The following LARP1B variants were observed in gnomAD, a reference collection of about 807,000 sequenced individuals.
LARP1B encodes the protein la-related protein 1B.
A neutral mutation model predicts 114.2 loss-of-function variants in LARP1B; 76 were observed. The ratio of observed to expected loss-of-function variants is 0.67; its 90% confidence interval spans 0.55 to 0.81. The LOEUF (loss-of-function observed/expected upper bound fraction) is 0.81. Among genes scored for constraint, LARP1B ranks in the 30% least tolerant of loss-of-function variants. The pLI is 0.00. For missense variants in LARP1B, 1,014 were observed against 1,075.8 expected, an observed-to-expected ratio of 0.94 and a Z score of 0.80; for synonymous variants, 345 against 348.0, an observed-to-expected ratio of 0.99 and a Z score of 0.10.
chr4:128,099,710 A>G (rs1215596374), intron 8 of LARP1B, among the ~76,000 whole-genome samples: 1 of 151,394 alleles, frequency 6.6e-6, no homozygotes, highest in African/African-American at 2.4e-5. Context: ...ATAGGGATAT[A>G]TATATACACA....
intron 5 of LARP1B, among the ~76,000 whole-genome samples, chr4:128,088,982 A>G (rs1774789842): frequency 6.6e-6 from 1 of 152,090 alleles, no homozygotes; most frequent in African/African-American, 2.4e-5. Flanking sequence ...AAATGTTTGA[A>G]AAAGACTGTT....
At chr4:128,098,763 ATATATTT>A (rs1354272115) in intron 8 of LARP1B, among the ~76,000 whole-genome samples, 1 of 35,504 alleles carries the variant, frequency 2.8e-5, no homozygotes, top group African/African-American at 1.1e-4. Context: ...ATATATATAT[ATATATTT>A]TTTTTTTTTT....
chr4:128,122,554 A>G lies in LARP1B; in HGVS notation c.1524+366A>G, dbSNP rs531266040. On this transcript the variant is annotated intron_variant, in intron 11 of 19. Transcript: ENST00000326639. ...GTTACTGTGGACAGGCTTAATTTAT[A>G]TGCTCATTGCTTACCTGGCTCTCAC... 9.8e-5 allele frequency: 150 copies of G among 1,523,352 alleles called. No individual in the cohort carries two copies. In the South Asian group the frequency reaches 1.7e-3, roughly 17 times the overall value. The allele number at this position is 1,523,352 out of a possible 1,614,324, so 94.4% of individuals were successfully genotyped here.
At chr4:128,117,510 A>G (rs1460568890) in intron 10 of LARP1B, among the ~76,000 whole-genome samples, 2 of 151,370 alleles carry the variant, frequency 1.3e-5, no homozygotes, top group East Asian at 3.9e-4. Context: ...CTCAGCCTCC[A>G]GAGTAGATGG....
intron 1 of LARP1B, among the ~76,000 whole-genome samples, chr4:128,068,420 A>G (rs945959888): frequency 4.0e-5 from 6 of 151,752 alleles, no homozygotes; most frequent in Non-Finnish European, 5.9e-5. Flanking sequence ...TCCTGGGCCC[A>G]AGGGATCCTC....
At chr4:128,078,134 G>C (rs908518356) in intron 4 of LARP1B, among the ~76,000 whole-genome samples, 172 bp downstream of exon 4, 1 of 152,132 alleles carries the variant, frequency 6.6e-6, no homozygotes, top group African/African-American at 2.4e-5. Context: ...TGAACTATTA[G>C]ACTTTCCTTT....
intron 17 of LARP1B, among the ~76,000 whole-genome samples, 173 bp from the exon 18 acceptor site, chr4:128,206,255 G>A (rs1421107201): frequency 1.3e-5 from 2 of 152,182 alleles, no homozygotes; most frequent in Non-Finnish European, 2.9e-5. Context: ...TCGCACCATT[G>A]CACTCCAGCC....
At chr4:128,117,470 TC>T (rs901255254) in intron 10 of LARP1B, among the ~76,000 whole-genome samples, 2 of 151,892 alleles carry the variant, frequency 1.3e-5, no homozygotes, top group Admixed American at 1.3e-4. Flanking sequence ...TGTACAACTT[TC>T]CCCTCCCGGG....
chr4:128,077,160 AT>A (rs1352160530), intron 3 of LARP1B, among the ~76,000 whole-genome samples: 1 of 152,130 alleles, frequency 6.6e-6, no homozygotes, highest in Non-Finnish European at 1.5e-5. Context: ...TAGATTTGCC[AT>A]CAGTGTATCT....
chr4:128,178,049 TA>T (rs1747000677), intron 13 of LARP1B, among the ~76,000 whole-genome samples: 1 of 148,954 alleles, frequency 6.7e-6, no homozygotes, highest in Non-Finnish European at 1.5e-5. Flanking sequence ...TATATATATA[TA>T]TATATATATA....
chr4:128,110,841 C>A (rs186299859), intron 9 of LARP1B, among the ~76,000 whole-genome samples: 103 of 151,670 alleles, frequency 6.8e-4, no homozygotes, highest in African/African-American at 2.2e-3. Flanking sequence ...TATGTGTTGG[C>A]GAATATATTG....
intron 1 of LARP1B, chr4:128,061,813 C>A (rs2149232033): frequency 1.0e-6 from 1 of 984,752 alleles, no homozygotes; most frequent in Admixed American, 6.2e-5. Flanking sequence ...CGCCCCCGCC[C>A]GAATGTGAGG....
At position 128,206,022 on chromosome 4, in the gene LARP1B, GACTC is replaced by G. The variant is rs571421355; in HGVS notation, c.2310-403_2310-400del. ...AATCTGCATACCGGCCGGGCGCAGT[GACTC>G]ACACCTGTAATCCCAGCACTTTGGG... On this transcript the variant is annotated intron_variant, in intron 17 of 19. Transcript: ENST00000326639. Among the ~76,000 whole-genome samples, 7 of 152,306 alleles carry G rather than the reference GACTC, an allele frequency of 4.6e-5. 1 individual carries two copies. In the South Asian group the frequency reaches 1.5e-3, roughly 32 times the overall value.
chr4:128,124,872 G>A (rs564587503), intron 11 of LARP1B, among the ~76,000 whole-genome samples: 3 of 152,254 alleles, frequency 2.0e-5, no homozygotes, highest in Admixed American at 1.3e-4. Flanking sequence ...AAATAATCAG[G>A]TGTGTCAGCA....
chr4:128,166,636 A>G (rs1157787199), intron 12 of LARP1B, among the ~76,000 whole-genome samples: 1 of 151,838 alleles, frequency 6.6e-6, no homozygotes, highest in African/African-American at 2.4e-5. Flanking sequence ...TAATGTTATT[A>G]GCTATGGCCC....
intron 7 of LARP1B, 58 bp downstream of exon 7, chr4:128,091,570 T>G: frequency 7.4e-7 from 1 of 1,354,830 alleles, no homozygotes; most frequent in South Asian, 1.5e-5. Context: ...AATATGAACT[T>G]TAATGTCATT....
intron 1 of LARP1B, among the ~76,000 whole-genome samples, chr4:128,074,246 T>TTAA (rs1766937100): frequency 6.6e-6 from 1 of 152,180 alleles, no homozygotes; most frequent in South Asian, 2.1e-4. Flanking sequence ...GGCAACACTG[T>TTAA]TAATATTTCT....
intron 5 of LARP1B, 141 bp downstream of exon 5, chr4:128,082,446 ATT>A: frequency 3.0e-6 from 2 of 662,066 alleles, no homozygotes. Flanking sequence ...TTCAGGGTAT[ATT>A]TCATAAGAAC....
At chr4:128,199,388 C>T (rs762481497) in intron 15 of LARP1B, 51 bp from the exon 16 acceptor site, 5 of 1,416,414 alleles carry the variant, frequency 3.5e-6, no homozygotes, top group Non-Finnish European at 4.7e-6. Context: ...GGTTCATATA[C>T]TTGGTTCTTG....
Sources: allele counts gnomAD v4.1 joint callset (sites outside exome capture counted in the v4.1 genomes callset), GRCh38; gene constraint gnomAD v4.1.1; transcripts MANE v1.5; gene names NCBI Gene and HGNC (gene_info 2026-07-23, HGNC 2026-07-21).